The following DACH2 variants were observed in gnomAD, a reference collection of about 807,000 sequenced individuals.
The protein encoded by DACH2 is dachshund homolog 2.
In DACH2, 17 loss-of-function variants were observed where a neutral mutation model predicts 35.8. That is an observed-to-expected ratio of 0.48 (90% CI 0.33 to 0.71). The LOEUF (loss-of-function observed/expected upper bound fraction) is 0.71. Among genes scored for constraint, DACH2 ranks in the 30% least tolerant of loss-of-function variants. The pLI, the probability that DACH2 is intolerant of heterozygous loss-of-function variation, is 0.02. For missense variants in DACH2, 469 were observed against 472.7 expected (o/e 0.99, Z 0.07); for synonymous variants, 195 against 177.3 (o/e 1.10, Z -0.79).
intron 1 of DACH2, among the ~76,000 whole-genome samples, chrX:86,296,025 A>C (rs951101833): frequency 3.3e-4 from 37 of 111,066 alleles, no homozygotes; most frequent in Non-Finnish European, 6.4e-4. Context: ...ACACCTAATT[A>C]AAATTTTGGA....
At chrX:86,488,520 C>T (rs73631953) in intron 2 of DACH2, among the ~76,000 whole-genome samples, 1,350 of 110,868 alleles carry the variant, frequency 0.012, 22 homozygotes, top group African/African-American at 0.041. Flanking sequence ...AATAGCGTTA[C>T]GACTTGGCCA....
intron 6 of DACH2, among the ~76,000 whole-genome samples, chrX:86,739,459 G>A (rs763366103): frequency 1.8e-5 from 2 of 111,372 alleles, no homozygotes; most frequent in East Asian, 5.7e-4. Flanking sequence ...CACCTACACT[G>A]TTAATCATTT....
At chrX:86,276,157 C>G (rs1258646244) in intron 1 of DACH2, among the ~76,000 whole-genome samples, 2 of 111,742 alleles carry the variant, frequency 1.8e-5, no homozygotes, top group Non-Finnish European at 3.8e-5. Flanking sequence ...CAACAGTGTA[C>G]AAGGGTTCCT....
intron 2 of DACH2, among the ~76,000 whole-genome samples, chrX:86,380,446 G>T (rs1439962232): frequency 9.1e-6 from 1 of 110,388 alleles, no homozygotes; most frequent in East Asian, 2.8e-4. Flanking sequence ...ATTGAAAAAT[G>T]ACATTTCTAT....
intron 1 of DACH2, among the ~76,000 whole-genome samples, chrX:86,167,257 G>C (rs1292255575): frequency 9.0e-6 from 1 of 111,044 alleles, no homozygotes; most frequent in Non-Finnish European, 1.9e-5. Context: ...AACTGTTCAG[G>C]TTTTGGATTT....
At chrX:86,382,461 T>TACAC (rs55825336) in intron 2 of DACH2, among the ~76,000 whole-genome samples, 2,417 of 94,547 alleles carry the variant, frequency 0.026, 53 homozygotes, top group East Asian at 0.14. Context: ...GCTACATTCA[T>TACAC]ACACACACAC....
In DACH2 at chrX:86,191,412, T is replaced by C. The variant is rs758082745; in HGVS notation, c.488+42304T>C. Among the ~76,000 whole-genome samples the C allele has an allele frequency of 3.6e-5, 4 of 111,144 alleles. No homozygotes were observed. The South Asian group carries it at 1.5e-3, about 42-fold the overall frequency. ...AATACTGCATGTTCTCACTTATAAG[T>C]GGGAGCTAAGCCTCAAGTATATATA... On this transcript the variant is annotated intron_variant, in intron 1 of 11. Transcript: ENST00000373125.
intron 2 of DACH2, among the ~76,000 whole-genome samples, chrX:86,463,396 A>G (rs1175024345): frequency 9.0e-6 from 1 of 110,685 alleles, no homozygotes; most frequent in Non-Finnish European, 1.9e-5. Context: ...CTGATTTTCA[A>G]CAAACCTGAC....
chrX:86,188,811 T>A (rs779066474), intron 1 of DACH2, among the ~76,000 whole-genome samples: 5 of 112,228 alleles, frequency 4.5e-5, no homozygotes, highest in African/African-American at 1.6e-4. Context: ...CACCTTGAGT[T>A]TAGACTTGAG....
At chrX:86,603,129 T>A (rs2039812074) in intron 3 of DACH2, among the ~76,000 whole-genome samples, 1 of 111,202 alleles carries the variant, frequency 9.0e-6, no homozygotes, top group Non-Finnish European at 1.9e-5. Flanking sequence ...CTACTCTATG[T>A]TTGTTTCCTT....
intron 4 of DACH2, among the ~76,000 whole-genome samples, chrX:86,692,689 G>A (rs1348388794): frequency 9.0e-6 from 1 of 111,544 alleles, no homozygotes; most frequent in Non-Finnish European, 1.9e-5. Flanking sequence ...TTATCATATT[G>A]TATAATTTAA....
At chrX:86,642,484 A>C (rs375954132) in intron 3 of DACH2, among the ~76,000 whole-genome samples, 27 of 111,660 alleles carry the variant, frequency 2.4e-4, no homozygotes, top group East Asian at 2.3e-3. Context: ...ACAAAGAAAC[A>C]TAGACTCCCA....
chrX:86,675,458 G>T (rs1410017111), intron 4 of DACH2, among the ~76,000 whole-genome samples: 2 of 111,848 alleles, frequency 1.8e-5, no homozygotes, highest in African/African-American at 3.2e-5. Flanking sequence ...GTCGAGGCAG[G>T]TGGATCACTT....
chrX:86,265,982 TTG>T (rs751439068), intron 1 of DACH2, among the ~76,000 whole-genome samples: 10 of 111,774 alleles, frequency 8.9e-5, no homozygotes, highest in Admixed American at 6.7e-4. Context: ...TATATATGAT[TTG>T]TGTCTTTAGG....
chrX:86,186,938 C>T (rs985406389), intron 1 of DACH2, among the ~76,000 whole-genome samples: 4 of 111,652 alleles, frequency 3.6e-5, no homozygotes, highest in Non-Finnish European at 5.6e-5. Context: ...AACCTAGTCT[C>T]ATAATAACTA....
intron 1 of DACH2, among the ~76,000 whole-genome samples, chrX:86,235,225 G>A (rs2033033313): frequency 9.0e-6 from 1 of 111,382 alleles, no homozygotes; most frequent in Non-Finnish European, 1.9e-5. Flanking sequence ...TCATGTCAAG[G>A]GTACATACTA....
At chrX:86,503,352 A>G (rs2038278077) in intron 2 of DACH2, among the ~76,000 whole-genome samples, 1 of 112,233 alleles carries the variant, frequency 8.9e-6, no homozygotes, top group Non-Finnish European at 1.9e-5. Flanking sequence ...AGTCATCAGG[A>G]ACATACCCAT....
chrX:86,543,183 G>T (rs763252977), intron 3 of DACH2, among the ~76,000 whole-genome samples: 38 of 111,545 alleles, frequency 3.4e-4, no homozygotes, highest in Non-Finnish European at 4.0e-4. Flanking sequence ...AGGAAGATGG[G>T]AACTCAGCAT....
chrX:86,750,747 A>G (rs1202307745), intron 7 of DACH2, among the ~76,000 whole-genome samples: 1 of 112,052 alleles, frequency 8.9e-6, no homozygotes, highest in Non-Finnish European at 1.9e-5. Flanking sequence ...GGTTCATCCA[A>G]TGTTGTCACA....
Sources: allele counts gnomAD v4.1 joint callset (sites outside exome capture counted in the v4.1 genomes callset), GRCh38; gene constraint gnomAD v4.1.1; transcripts MANE v1.5; gene names NCBI Gene and HGNC (gene_info 2026-07-23, HGNC 2026-07-21).